Variants in DENND1B observed in about 807,000 individuals in gnomAD.
The protein encoded by DENND1B is DENN domain-containing protein 1B.
DENND1B carries 59 observed loss-of-function variants against 90.1 expected under a neutral mutation model. The ratio of observed to expected loss-of-function variants is 0.65; its 90% CI spans 0.53 to 0.81. DENND1B has a LOEUF of 0.81. Ranked by LOEUF, DENND1B falls within the 40% of genes least tolerant of loss-of-function variation. DENND1B has a pLI of 0.00. For missense variants in DENND1B, 862 were observed against 912.6 expected (o/e 0.94, Z 0.71); for synonymous variants, 337 against 324.6 (o/e 1.04, Z -0.41).
rs115106593 is a variant in DENND1B at position 197,679,870 on chromosome 1, C to A, written c.127-5701G>T. Among the ~76,000 whole-genome samples, 772 of 147,686 alleles carry A rather than the reference C, an allele frequency of 5.2e-3. 8 individuals carry two copies. Among genetic ancestry groups the A allele is most frequent in the African/African-American group, 0.018 (719 of 40,032 alleles). On this transcript the variant is annotated intron_variant, in intron 3 of 22. Transcript: ENST00000620048. ...AACTGTCTTCAAAGTTATGCCCCAG[C>A]CAGGCATGGTGGCTCACACCTGTAA...
At chr1:197,511,134 G>A (rs879484454) in intron 22 of DENND1B, among the ~76,000 whole-genome samples, 162 bp from the exon 23 acceptor site, 1 of 151,684 alleles carries the variant, frequency 6.6e-6, no homozygotes, top group Non-Finnish European at 1.5e-5. Context: ...CTATTAACAG[G>A]GATGAAATGG....
At position 197,540,145 on chromosome 1, in the gene DENND1B, A is replaced by G. The variant is rs1670227445; in HGVS notation, c.1408-74T>C. On this transcript the variant is annotated intron_variant, in intron 19 of 22. Transcript: ENST00000620048. ...TTACTAACGTATTAGATTAATAAACAAAGTATCTGATATACATACAAGTAG... is the reference window on the plus strand; with the variant it reads ...TTACTAACGTATTAGATTAATAAACGAAGTATCTGATATACATACAAGTAG... 8.9e-6 allele frequency: 9 copies of G among 1,009,766 alleles called. No individual in the cohort carries two copies. In the East Asian group the frequency reaches 2.0e-4, roughly 23 times the overall value. The allele number at this position is 1,009,766 out of a possible 1,614,324, so 62.6% of individuals were successfully genotyped here.
chr1:197,549,724 TTTAAG>T (rs1190496021), intron 16 of DENND1B, among the ~76,000 whole-genome samples: 4 of 152,114 alleles, frequency 2.6e-5, no homozygotes, highest in South Asian at 2.1e-4. Context: ...ACACATTCCT[TTTAAG>T]TTAAGTTAAA....
At chr1:197,750,250 G>A (rs1220448500) in intron 2 of DENND1B, among the ~76,000 whole-genome samples, 1 of 152,144 alleles carries the variant, frequency 6.6e-6, no homozygotes, top group African/African-American at 2.4e-5. Flanking sequence ...TATACTCACA[G>A]TGGCATAATT....
chr1:197,775,047 G>T, intron 1 of DENND1B, 92 bp downstream of exon 1: 4 of 925,408 alleles, frequency 4.3e-6, no homozygotes, highest in African/African-American at 1.7e-5. Context: ...CCGGGGAGCC[G>T]GTTGAGCGCG....
At position 197,505,619 on chromosome 1, in the gene DENND1B, C is replaced by A. The variant is rs1571664048; in HGVS notation, c.*4841G>T. ...TGTCTGCATGTTGCATCCAGAGCTA[C>A]AGATTTTCCACAGTGCTTTTCTGCC... On this transcript the variant is annotated 3_prime_UTR_variant, in exon 23 of 23. Transcript: ENST00000620048. The A allele has an allele frequency of 6.6e-6, 1 of 151,424 alleles. No individual in the cohort carries two copies. Among genetic ancestry groups the A allele is most frequent in the Non-Finnish European group, 1.5e-5 (1 of 67,674 alleles). 9.4% of individuals were successfully genotyped at this position (151,424 alleles called of 1,614,324 possible). A position where few individuals can be genotyped will look rare whatever the true frequency, so the allele number is the denominator to read the frequency against.
At chr1:197,746,291 A>C (rs367992269) in intron 2 of DENND1B, among the ~76,000 whole-genome samples, 2 of 152,318 alleles carry the variant, frequency 1.3e-5, no homozygotes, top group East Asian at 3.9e-4. Flanking sequence ...GCTACTCGGG[A>C]GGCTGAGGCA....
At position 197,746,126 on chromosome 1, in the gene DENND1B, T is replaced by G. The variant is rs540364305; in HGVS notation, c.82+26742A>C. 7.2e-5 allele frequency among the ~76,000 whole-genome samples: 11 copies of G among 152,358 alleles called. No individual in the cohort carries two copies. In the South Asian group the frequency reaches 1.2e-3, roughly 17 times the overall value. ...GAAAGTACAAGGCCAGCATGTTTGC[T>G]CATGCCTGTAATCCCAGCACTTTGG... On this transcript the variant is annotated intron_variant, in intron 2 of 22. Coordinates refer to ENST00000620048, the MANE Select transcript of DENND1B (RefSeq NM_001195215.2).
At chr1:197,624,878 C>A (rs573141354) in intron 10 of DENND1B, among the ~76,000 whole-genome samples, 1 of 151,722 alleles carries the variant, frequency 6.6e-6, no homozygotes, top group African/African-American at 2.4e-5. Flanking sequence ...ATGCAGAAGC[C>A]TCAGGAGCCG....
chr1:197,637,960 A>G lies in DENND1B; in HGVS notation c.672+4751T>C, dbSNP rs75107238. On this transcript the variant is annotated intron_variant, in intron 10 of 22. Coordinates refer to ENST00000620048, the MANE Select transcript of DENND1B (RefSeq NM_001195215.2). ...CTCTGCACTTCGGGTTTCAGATTAA[A>G]TGCTGACACAGGTGGCTCCATTAAG... Among the ~76,000 whole-genome samples the G allele has an allele frequency of 8.4e-3, 1,277 of 152,306 alleles. 18 individuals carry two copies. The highest frequency in any genetic ancestry group is 0.028 in the African/African-American group (1,175 of 41,564).
chr1:197,541,596 G>A (rs1670341419), intron 18 of DENND1B, among the ~76,000 whole-genome samples: 1 of 152,194 alleles, frequency 6.6e-6, no homozygotes. Context: ...ACATCCTGCT[G>A]TGATTCCTGT....
chr1:197,695,488 T>C (rs1571390048), intron 3 of DENND1B, among the ~76,000 whole-genome samples: 1 of 151,180 alleles, frequency 6.6e-6, no homozygotes, highest in Non-Finnish European at 1.5e-5. Flanking sequence ...CTACAAAATT[T>C]ATAAATTTTT....
intron 16 of DENND1B, 177 bp downstream of exon 16, chr1:197,552,845 A>T: frequency 5.1e-6 from 7 of 1,365,430 alleles, no homozygotes; most frequent in Non-Finnish European, 5.6e-6. Flanking sequence ...AGTAACAGGT[A>T]TCAGGCAAAA....
At chr1:197,543,946 C>G (rs189110306) in intron 18 of DENND1B, among the ~76,000 whole-genome samples, 1 of 152,094 alleles carries the variant, frequency 6.6e-6, no homozygotes, top group Admixed American at 6.5e-5. Flanking sequence ...CCGAGAAAAG[C>G]TTTTGAAGAC....
intron 10 of DENND1B, among the ~76,000 whole-genome samples, chr1:197,637,765 C>T (rs1679923793): frequency 6.6e-6 from 1 of 152,138 alleles, no homozygotes; most frequent in South Asian, 2.1e-4. Flanking sequence ...CTAAAAATTG[C>T]TTCTAGAATC....
Position 197,507,236 on chromosome 1 carries a change from G to A in DENND1B, c.*3224C>T, listed in dbSNP as rs1667772677. The stretch of plus-strand genomic sequence containing the variant: ...ATTCCTTTTCCTTTGTTCCTTCAGA[G>A]CAGGGACTATGTCAGTTATTTTATT... On this transcript the variant is annotated 3_prime_UTR_variant, in exon 23 of 23. Transcript: ENST00000620048. 1 of 149,872 alleles carries A rather than the reference G, an allele frequency of 6.7e-6. No homozygotes were observed. The highest frequency in any genetic ancestry group is 1.5e-5 in the Non-Finnish European group (1 of 67,162). 9.3% of individuals were successfully genotyped at this position (149,872 alleles called of 1,614,324 possible). A position where few individuals can be genotyped will look rare whatever the true frequency, so the allele number is the denominator to read the frequency against.
At chr1:197,701,816 A>C (rs1659059581) in intron 3 of DENND1B, among the ~76,000 whole-genome samples, 1 of 152,078 alleles carries the variant, frequency 6.6e-6, no homozygotes, top group Non-Finnish European at 1.5e-5. Flanking sequence ...AATTTGGTAA[A>C]ATTTTTCATC....
intron 15 of DENND1B, among the ~76,000 whole-genome samples, chr1:197,566,262 G>A (rs1046556852): frequency 2.0e-5 from 3 of 152,064 alleles, no homozygotes; most frequent in Non-Finnish European, 2.9e-5. Context: ...AATTTTTCAT[G>A]TGTTTTTTGG....
chr1:197,748,034 G>C (rs1652930541), intron 2 of DENND1B, among the ~76,000 whole-genome samples: 1 of 152,106 alleles, frequency 6.6e-6, no homozygotes, highest in Non-Finnish European at 1.5e-5. Flanking sequence ...ACACAGCTTA[G>C]GAGTAAGGCT....
Sources: gnomAD v4.1 joint callset for allele counts (sites outside exome capture counted in the v4.1 genomes callset) on GRCh38, gnomAD v4.1.1 for gene constraint, MANE v1.5 for transcripts, NCBI Gene and HGNC (gene_info 2026-07-23, HGNC 2026-07-21) for gene names.